KCTD16: variants seen among roughly 807,000 people sequenced by gnomAD.
KCTD16 encodes the protein potassium channel tetramerization domain containing 16.
Under a neutral mutation model 33.2 loss-of-function variants are expected in KCTD16, and 13 were observed. The observed-to-expected ratio is 0.39, with a 90% confidence interval of 0.25 to 0.62. The LOEUF is 0.62. KCTD16 is among the 20% of genes least tolerant of loss of function. The probability of loss-of-function intolerance (pLI) is 0.50; values close to 1 mark genes in which losing one functional copy is unlikely to be tolerated. For synonymous variants in KCTD16, 197 were observed against 195.3 expected, an observed-to-expected ratio of 1.01 and a Z score of -0.07; for missense variants, 441 against 525.1, an observed-to-expected ratio of 0.84 and a Z score of 1.57.
At chr5:144,435,385 T>C (rs1000076768) in intron 3 of KCTD16, among the ~76,000 whole-genome samples, 8 of 152,096 alleles carry the variant, frequency 5.3e-5, no homozygotes, top group Admixed American at 2.0e-4. Context: ...TACTATATTA[T>C]TCAGCCACTT....
At chr5:144,406,321 A>C (rs1049993111) in intron 3 of KCTD16, among the ~76,000 whole-genome samples, 3 of 152,244 alleles carry the variant, frequency 2.0e-5, no homozygotes, top group African/African-American at 4.8e-5. Flanking sequence ...ACTTTGTCTC[A>C]AATTTATTGT....
intron 3 of KCTD16, among the ~76,000 whole-genome samples, chr5:144,329,311 T>G (rs950005554): frequency 6.6e-6 from 1 of 152,178 alleles, no homozygotes; most frequent in South Asian, 2.1e-4. Context: ...ATTAGGATGC[T>G]TCATCTCTGC....
Position 144,448,689 on chromosome 5 carries a change from T to G in KCTD16, c.833-24971T>G, listed in dbSNP as rs564516279. On this transcript the variant is annotated intron_variant, in intron 3 of 3. Transcript: ENST00000512467. The stretch of plus-strand genomic sequence containing the variant: ...ACAGCTCTAAGGAACCTTCCTGTTT[T>G]AGATTAAATCATGATTCCAAAGGCT... Among the ~76,000 whole-genome samples the G allele has an allele frequency of 1.1e-4, 16 of 152,232 alleles. No homozygotes were observed. The South Asian group carries it at 3.3e-3, about 32-fold the overall frequency.
At chr5:144,272,889 A>G (rs748654806) in intron 3 of KCTD16, among the ~76,000 whole-genome samples, 1 of 152,202 alleles carries the variant, frequency 6.6e-6, no homozygotes, top group Non-Finnish European at 1.5e-5. Flanking sequence ...AAAAGAATAC[A>G]CAGGGCAAAA....
At chr5:144,446,011 C>A (rs1390474195) in intron 3 of KCTD16, among the ~76,000 whole-genome samples, 1 of 151,820 alleles carries the variant, frequency 6.6e-6, no homozygotes, top group Non-Finnish European at 1.5e-5. Flanking sequence ...TGCTTTAAGT[C>A]CTACTTTCTT....
At chr5:144,356,585 G>A (rs1193954541) in intron 3 of KCTD16, among the ~76,000 whole-genome samples, 1 of 152,116 alleles carries the variant, frequency 6.6e-6, no homozygotes, top group African/African-American at 2.4e-5. Flanking sequence ...ATGTGTGTTT[G>A]TCTGCATCCC....
intron 3 of KCTD16, among the ~76,000 whole-genome samples, chr5:144,244,386 A>G (rs1042251037): frequency 3.9e-5 from 6 of 152,210 alleles, no homozygotes; most frequent in African/African-American, 1.2e-4. Flanking sequence ...CAAAGTGCTA[A>G]ATTGCATTGT....
At chr5:144,412,613 C>T (rs1212493532) in intron 3 of KCTD16, among the ~76,000 whole-genome samples, 3 of 152,024 alleles carry the variant, frequency 2.0e-5, no homozygotes, top group South Asian at 2.1e-4. Flanking sequence ...CAGCTGGATG[C>T]GGTGGCTCAT....
intron 3 of KCTD16, among the ~76,000 whole-genome samples, chr5:144,406,016 T>C (rs1434033730): frequency 6.6e-6 from 1 of 152,238 alleles, no homozygotes; most frequent in Non-Finnish European, 1.5e-5. Flanking sequence ...ACTATTGATA[T>C]GCTTTTTAAT....
chr5:144,187,871 A>G (rs1037692484), intron 2 of KCTD16, among the ~76,000 whole-genome samples: 2 of 152,226 alleles, frequency 1.3e-5, no homozygotes, highest in South Asian at 2.1e-4. Flanking sequence ...TTTTGCCAGC[A>G]GCTCTTCTAC....
At chr5:144,294,404 T>A (rs563846519) in intron 3 of KCTD16, among the ~76,000 whole-genome samples, 1 of 152,326 alleles carries the variant, frequency 6.6e-6, no homozygotes, top group South Asian at 2.1e-4. Context: ...CTAAGGTGTA[T>A]CTTTTGTAAG....
chr5:144,206,733 T>A lies in KCTD16; in HGVS notation c.19T>A (p.Cys7Ser). 6.2e-7 allele frequency: 1 copy of A among 1,613,460 alleles called. No individual in the cohort carries two copies. The highest frequency in any genetic ancestry group is 8.5e-7 in the Non-Finnish European group (1 of 1,179,616). The part of the protein sequence containing the change: MALSGN[C>S]SRYYPREQGS... ...AGGGACAATGGCTCTGAGTGGAAACTGTAGTCGTTATTATCCTCGAGAACA... is the reference window on the plus strand; with the variant it reads ...AGGGACAATGGCTCTGAGTGGAAACAGTAGTCGTTATTATCCTCGAGAACA... Residue 7 changes from cysteine (C) to serine (S), a missense_variant, in exon 3 of 4, where the codon TGT (cysteine) becomes AGT (serine). Cys to Ser is a moderately radical substitution (Grantham distance 112). This residue lies in a region of KCTD16 where 80 missense variants were observed against 88.5 expected (regional missense o/e 0.90). Coordinates refer to ENST00000512467, the MANE Select transcript of KCTD16 (RefSeq NM_020768.4).
chr5:144,302,923 GA>G (rs1422620371), intron 3 of KCTD16, among the ~76,000 whole-genome samples: 3 of 152,196 alleles, frequency 2.0e-5, no homozygotes, highest in Non-Finnish European at 4.4e-5. Context: ...GTAAGCAGTG[GA>G]AAAGAAATGC....
chr5:144,383,366 C>G (rs1412377507), intron 3 of KCTD16, among the ~76,000 whole-genome samples: 2 of 152,096 alleles, frequency 1.3e-5, no homozygotes, highest in African/African-American at 4.8e-5. Flanking sequence ...CACTCCCTGG[C>G]TCAGCTTTTT....
chr5:144,236,404 A>G (rs1290898333), intron 3 of KCTD16, among the ~76,000 whole-genome samples: 1 of 152,126 alleles, frequency 6.6e-6, no homozygotes, highest in Non-Finnish European at 1.5e-5. Context: ...GGCATGGAAC[A>G]TTGAAGGGAT....
At chr5:144,318,229 T>G (rs1183329554) in intron 3 of KCTD16, among the ~76,000 whole-genome samples, 1 of 152,206 alleles carries the variant, frequency 6.6e-6, no homozygotes, top group Non-Finnish European at 1.5e-5. Flanking sequence ...AAACCTTTGT[T>G]ATTACTTTCC....
rs116337478 is a variant in KCTD16 at position 144,199,275 on chromosome 5, C to T, written c.-326-7114C>T. The stretch of plus-strand genomic sequence containing the variant: ...GAGATAAAAGGTTGATAATTACTGG[C>T]TTGCAGTTTACACTACTGCTTTACC... On this transcript the variant is annotated intron_variant, in intron 2 of 3. Coordinates refer to ENST00000512467, the MANE Select transcript of KCTD16 (RefSeq NM_020768.4). Among the ~76,000 whole-genome samples, 152 of 152,250 alleles carry T rather than the reference C, an allele frequency of 1.0e-3. 1 individual carries two copies. The highest frequency in any genetic ancestry group is 3.5e-3 in the African/African-American group (146 of 41,540).
At chr5:144,436,658 G>C (rs1009480847) in intron 3 of KCTD16, among the ~76,000 whole-genome samples, 8 of 151,506 alleles carry the variant, frequency 5.3e-5, no homozygotes, top group Non-Finnish European at 1.2e-4. Context: ...TGCTATCTCG[G>C]CTCACTGCAA....
chr5:144,454,515 T>C (rs1754017869), intron 3 of KCTD16, among the ~76,000 whole-genome samples: 1 of 150,774 alleles, frequency 6.6e-6, no homozygotes, highest in African/African-American at 2.5e-5. Context: ...TCTGGAATTA[T>C]ATCAACATGA....
Sources: allele counts gnomAD v4.1 joint callset (sites outside exome capture counted in the v4.1 genomes callset), GRCh38; gene constraint gnomAD v4.1.1; regional missense constraint gnomAD v4.1.1; transcripts MANE v1.5; gene names NCBI Gene and HGNC (gene_info 2026-07-23, HGNC 2026-07-21).